Variants in LRRC49 observed in about 807,000 individuals in gnomAD.
LRRC49 encodes the protein leucine-rich repeat-containing protein 49.
LRRC49 carries 50 observed loss-of-function variants against 83.3 expected under a neutral mutation model. The ratio of observed to expected loss-of-function variants is 0.60; its 90% CI spans 0.48 to 0.76. The LOEUF (loss-of-function observed/expected upper bound fraction) is 0.76, where lower values mean the gene tolerates loss of function less well. Ranked by LOEUF, LRRC49 falls within the 30% of genes least tolerant of loss-of-function variation. LRRC49 has a pLI of 0.00. For missense variants in LRRC49, 704 were observed against 809.1 expected, an observed-to-expected ratio of 0.87 and a Z score of 1.58; for synonymous variants, 286 against 283.3, an observed-to-expected ratio of 1.01 and a Z score of -0.10.
At chr15:70,939,759 C>T (rs1311618347) in intron 8 of LRRC49, among the ~76,000 whole-genome samples, 2 of 151,882 alleles carry the variant, frequency 1.3e-5, no homozygotes, top group Admixed American at 6.6e-5. Context: ...GCCGGAATGA[C>T]CTCTCATACC....
At chr15:70,983,521 G>A (rs2037480413) in intron 10 of LRRC49, among the ~76,000 whole-genome samples, 1 of 152,080 alleles carries the variant, frequency 6.6e-6, no homozygotes, top group African/African-American at 2.4e-5. Context: ...TAGTTATCTA[G>A]AGACATTTCA....
chr15:70,868,404 A>T (rs2032957345), intron 1 of LRRC49, among the ~76,000 whole-genome samples: 1 of 152,244 alleles, frequency 6.6e-6, no homozygotes, highest in Non-Finnish European at 1.5e-5. Context: ...CTTATGTTAC[A>T]TCACACTGTC....
chr15:71,020,393 A>C lies in LRRC49; in HGVS notation c.1703+7480A>C, dbSNP rs76348582. Among the ~76,000 whole-genome samples the C allele has an allele frequency of 4.2e-3, 638 of 152,318 alleles. 8 individuals carry two copies. Among genetic ancestry groups the C allele is most frequent in the African/African-American group, 0.015 (628 of 41,572 alleles). On this transcript the variant is annotated intron_variant, in intron 14 of 15. Coordinates refer to ENST00000260382, the MANE Select transcript of LRRC49 (RefSeq NM_017691.5). Reference sequence around the variant, plus strand: ...TTCTAAAAGACACAATGGAGAGCATAGGGTAGAGTCAGTATTAAAACAGAT... The same window carrying C: ...TTCTAAAAGACACAATGGAGAGCATCGGGTAGAGTCAGTATTAAAACAGAT...
At chr15:70,882,115 G>A (rs890701096) in intron 2 of LRRC49, 2 of 203,630 alleles carry the variant, frequency 9.8e-6, no homozygotes, top group African/African-American at 2.3e-5. Flanking sequence ...GTCAAGTCCT[G>A]TAGGAGCGTT....
intron 1 of LRRC49, among the ~76,000 whole-genome samples, chr15:70,868,068 G>A (rs929096670): frequency 6.6e-6 from 1 of 152,112 alleles, no homozygotes; most frequent in Non-Finnish European, 1.5e-5. Context: ...AAGGGAGGGG[G>A]GTGCTAATGG....
chr15:70,948,423 TA>T (rs2036088789), intron 8 of LRRC49, among the ~76,000 whole-genome samples: 1 of 151,706 alleles, frequency 6.6e-6, no homozygotes. Context: ...GAATATCTGT[TA>T]AAATGTACTT....
intron 14 of LRRC49, among the ~76,000 whole-genome samples, chr15:71,030,063 T>C (rs960321094): frequency 6.6e-6 from 1 of 152,250 alleles, no homozygotes; most frequent in Non-Finnish European, 1.5e-5. Context: ...TCTCTCATCA[T>C]GATACTAGCT....
rs542123906 is a variant in LRRC49, at chr15:71,001,352, C to T, written c.1170-7027C>T. 9.9e-5 allele frequency among the ~76,000 whole-genome samples: 15 copies of T among 152,208 alleles called. No homozygotes were observed. The East Asian group carries it at 2.7e-3, about 27-fold the overall frequency. On this transcript the variant is annotated intron_variant, in intron 11 of 15. Transcript: ENST00000260382. Reference sequence around the variant, plus strand: ...AGAAGTAGGTGGGAGAGACCTTTTGCAGATCTTCAATTAATGCCCCTGTGT... The same window carrying T: ...AGAAGTAGGTGGGAGAGACCTTTTGTAGATCTTCAATTAATGCCCCTGTGT...
chr15:70,893,057 C>T, intron 1 of LRRC49, 115 bp downstream of exon 1: 3 of 1,195,296 alleles, frequency 2.5e-6, no homozygotes, highest in Non-Finnish European at 3.7e-6. Context: ...TCTACTCAAG[C>T]TATTGTCTGA....
chr15:70,854,254 G>A (rs1303870249), intron 1 of LRRC49: 1 of 272,680 alleles, frequency 3.7e-6, no homozygotes, highest in Non-Finnish European at 5.6e-6. Context: ...CGCCGCCGCC[G>A]CCGCCGCCGC....
At chr15:71,034,086 G>C (rs2039443897) in intron 14 of LRRC49, among the ~76,000 whole-genome samples, 1 of 151,998 alleles carries the variant, frequency 6.6e-6, no homozygotes, top group South Asian at 2.1e-4. Flanking sequence ...ACTATCATCA[G>C]AGCAAACAAG....
intron 6 of LRRC49, among the ~76,000 whole-genome samples, chr15:70,916,399 A>T (rs2034775069): frequency 6.6e-6 from 1 of 152,024 alleles, no homozygotes; most frequent in Non-Finnish European, 1.5e-5. Context: ...GGTTCAAGTG[A>T]TTCTCTTGCC....
intron 7 of LRRC49, among the ~76,000 whole-genome samples, chr15:70,930,787 T>G (rs1051341299): frequency 2.0e-5 from 3 of 152,232 alleles, no homozygotes; most frequent in African/African-American, 7.2e-5. Flanking sequence ...GGAGATGGCT[T>G]CTGTCCTTAA....
intron 1 of LRRC49, among the ~76,000 whole-genome samples, chr15:70,866,118 T>G (rs1483228989): frequency 1.2e-5 from 1 of 86,816 alleles, no homozygotes; most frequent in African/African-American, 4.2e-5. Flanking sequence ...TGTAAAGTAT[T>G]TATTTATTTA....
chr15:70,972,368 G>A (rs948097327), intron 9 of LRRC49, among the ~76,000 whole-genome samples: 1 of 152,144 alleles, frequency 6.6e-6, no homozygotes, highest in African/African-American at 2.4e-5. Flanking sequence ...TAGTCTGATG[G>A]GCTCCCCTTT....
intron 8 of LRRC49, among the ~76,000 whole-genome samples, chr15:70,948,814 G>C (rs2036107330): frequency 6.6e-6 from 1 of 152,044 alleles, no homozygotes; most frequent in African/African-American, 2.4e-5. Context: ...TTGTTTCTGG[G>C]CCATCTCAGT....
intron 7 of LRRC49, among the ~76,000 whole-genome samples, chr15:70,932,082 A>G (rs1300257282): frequency 6.6e-6 from 1 of 152,194 alleles, no homozygotes; most frequent in Non-Finnish European, 1.5e-5. Flanking sequence ...GTTCCCTTTC[A>G]GTTTTTGCTC....
At chr15:71,048,168 G>T (rs2039911153) in intron 15 of LRRC49, among the ~76,000 whole-genome samples, 1 of 147,850 alleles carries the variant, frequency 6.8e-6, no homozygotes, top group Admixed American at 6.8e-5. Flanking sequence ...TTAAACTGTA[G>T]CCTTGAACTC....
intron 8 of LRRC49, among the ~76,000 whole-genome samples, chr15:70,963,104 T>C (rs765151251): frequency 6.6e-6 from 1 of 151,206 alleles, no homozygotes; most frequent in Non-Finnish European, 1.5e-5. Context: ...TTTTATTTTG[T>C]AGACAAAATA....
Sources: gnomAD v4.1 joint callset for allele counts (sites outside exome capture counted in the v4.1 genomes callset) on GRCh38, gnomAD v4.1.1 for gene constraint, MANE v1.5 for transcripts, NCBI Gene and HGNC (gene_info 2026-07-23, HGNC 2026-07-21) for gene names.